TMEM266: variants seen among roughly 807,000 people sequenced by gnomAD.
TMEM266 encodes Hv1 related protein 1.
A neutral mutation model predicts 50.5 loss-of-function variants in TMEM266; 33 were observed. The ratio of observed to expected loss-of-function variants is 0.65; its 90% confidence interval spans 0.50 to 0.87. TMEM266 has a LOEUF of 0.87. TMEM266 is among the 40% of genes least tolerant of loss of function. The pLI, the probability that TMEM266 is intolerant of heterozygous loss-of-function variation, is 0.00. For missense variants in TMEM266, 655 were observed against 695.1 expected, an observed-to-expected ratio of 0.94 and a Z score of 0.65; for synonymous variants, 310 against 292.3, an observed-to-expected ratio of 1.06 and a Z score of -0.62.
chr15:76,181,675 A>G (rs913625912), intron 8 of TMEM266, among the ~76,000 whole-genome samples: 8 of 152,198 alleles, frequency 5.3e-5, no homozygotes, highest in African/African-American at 1.9e-4. Flanking sequence ...GCTGCCCTTC[A>G]GAGAGACGGT....
chr15:76,113,425 G>A (rs2037204017), intron 1 of TMEM266: 1 of 152,360 alleles, frequency 6.6e-6, no homozygotes, highest in African/African-American at 2.4e-5. Flanking sequence ...ACAGATAGGT[G>A]GCTGGAGCAC....
intron 8 of TMEM266, among the ~76,000 whole-genome samples, chr15:76,190,221 C>G (rs2038547534): frequency 6.6e-6 from 1 of 152,180 alleles, no homozygotes. Flanking sequence ...TGATCTGGGA[C>G]AGAGGAAGCA....
rs562507796 is a variant in TMEM266, at chr15:76,085,616, G to C, written c.-97+25600G>C. On this transcript the variant is annotated intron_variant, in intron 1 of 10. Coordinates refer to ENST00000388942, the MANE Select transcript of TMEM266 (RefSeq NM_152335.3). ...CAACAGAAACTCTCACACATGGCTG[G>C]TGGTGTTATAAAATGGTATAGCCAC... 7.2e-5 allele frequency among the ~76,000 whole-genome samples: 11 copies of C among 152,280 alleles called. No homozygotes were observed. The East Asian group carries it at 2.1e-3, about 29-fold the overall frequency.
chr15:76,135,423 C>T (rs972526529), intron 2 of TMEM266, among the ~76,000 whole-genome samples: 9 of 152,180 alleles, frequency 5.9e-5, no homozygotes, highest in Admixed American at 1.3e-4. Context: ...GAGGCAGAAA[C>T]GTTGGAAAGC....
intron 1 of TMEM266, among the ~76,000 whole-genome samples, chr15:76,087,252 A>G (rs1322619667): frequency 1.3e-5 from 2 of 152,168 alleles, no homozygotes; most frequent in African/African-American, 4.8e-5. Context: ...GGAGACTGTA[A>G]TAATGCAGCT....
intron 1 of TMEM266, among the ~76,000 whole-genome samples, chr15:76,105,312 A>G (rs1270882814): frequency 6.6e-6 from 1 of 152,110 alleles, no homozygotes; most frequent in African/African-American, 2.4e-5. Flanking sequence ...CCCACAAACC[A>G]TGGTCCTCCA....
chr15:76,110,024 G>A (rs1384815784), intron 1 of TMEM266, among the ~76,000 whole-genome samples: 6 of 151,354 alleles, frequency 4.0e-5, no homozygotes, highest in Admixed American at 4.0e-4. Context: ...TTTTGAGACA[G>A]AGTCTCACCC....
In TMEM266 at chr15:76,204,195, C is replaced by T; in HGVS notation, c.1476C>T (p.Gly492=). 6.2e-7 allele frequency: 1 copy of T among 1,613,932 alleles called. No individual in the cohort carries two copies. Among genetic ancestry groups the T allele is most frequent in the Non-Finnish European group, 8.5e-7 (1 of 1,180,018 alleles). The change falls in exon 11 of 11, where the codon GGC becomes GGT. Residue 492 remains glycine (G), a synonymous_variant. Transcript: ENST00000388942. ...TGTTCAACCAGAAGAACCAGGAGGGCTTCACTGTCTTTCAGATCAGGCCTG... is the reference window on the plus strand; with the variant it reads ...TGTTCAACCAGAAGAACCAGGAGGGTTTCACTGTCTTTCAGATCAGGCCTG...
chr15:76,140,729 A>G (rs1029292961), intron 3 of TMEM266, among the ~76,000 whole-genome samples: 3 of 152,154 alleles, frequency 2.0e-5, no homozygotes, highest in African/African-American at 7.2e-5. Context: ...AACTTGTGGA[A>G]GGTCACACAG....
chr15:76,074,512 A>G (rs897472806), intron 1 of TMEM266, among the ~76,000 whole-genome samples: 1 of 152,066 alleles, frequency 6.6e-6, no homozygotes, highest in Non-Finnish European at 1.5e-5. Context: ...TTATTTTATA[A>G]TATGTTTTAA....
At chr15:76,130,183 T>TGCACTCCA (rs2037484548) in intron 1 of TMEM266, among the ~76,000 whole-genome samples, 1 of 120,938 alleles carries the variant, frequency 8.3e-6, no homozygotes, top group Non-Finnish European at 1.6e-5. Context: ...GTTGTATCAC[T>TGCACTCCA]GCACTCCAGT....
At chr15:76,079,018 C>T (rs2036644838) in intron 1 of TMEM266, among the ~76,000 whole-genome samples, 1 of 152,202 alleles carries the variant, frequency 6.6e-6, no homozygotes, top group African/African-American at 2.4e-5. Context: ...CTCTGGTTAC[C>T]ACCCAGGTTA....
At chr15:76,136,923 C>T (rs1026577888) in intron 2 of TMEM266, among the ~76,000 whole-genome samples, 20 of 152,160 alleles carry the variant, frequency 1.3e-4, no homozygotes, top group African/African-American at 4.8e-4. Context: ...GCCAAATATC[C>T]CCTGGTAGAT....
intron 5 of TMEM266, among the ~76,000 whole-genome samples, chr15:76,165,400 A>G (rs954105476): frequency 6.6e-6 from 1 of 152,196 alleles, no homozygotes; most frequent in Non-Finnish European, 1.5e-5. Context: ...CATAATACTC[A>G]ATAAATGGCA....
intron 5 of TMEM266, among the ~76,000 whole-genome samples, chr15:76,165,863 T>C (rs887077777): frequency 1.3e-5 from 2 of 152,248 alleles, no homozygotes; most frequent in African/African-American, 4.8e-5. Context: ...TCGTTATTGC[T>C]TGTGGGCCTG....
At chr15:76,113,148 T>A (rs2037198388) in intron 1 of TMEM266, 1 of 152,050 alleles carries the variant, frequency 6.6e-6, no homozygotes, top group African/African-American at 2.4e-5. Flanking sequence ...ACCCCGTCTC[T>A]ACTAAAGATA....
intron 8 of TMEM266, among the ~76,000 whole-genome samples, chr15:76,186,040 C>T (rs1220071973): frequency 5.3e-5 from 8 of 152,166 alleles, no homozygotes; most frequent in Non-Finnish European, 1.2e-4. Context: ...GTTCTCCTGG[C>T]CCCTGCTACC....
At chr15:76,131,489 G>A (rs537426575) in intron 1 of TMEM266, among the ~76,000 whole-genome samples, 1 of 152,296 alleles carries the variant, frequency 6.6e-6, no homozygotes, top group Admixed American at 6.5e-5. Flanking sequence ...TGACTTCATT[G>A]TCAGTTGGGT....
chr15:76,073,959 A>G (rs976352023), intron 1 of TMEM266, among the ~76,000 whole-genome samples: 1 of 151,178 alleles, frequency 6.6e-6, no homozygotes, highest in African/African-American at 2.5e-5. Context: ...TGAGGACTGT[A>G]GTTTGTGACA....
Sources: allele counts gnomAD v4.1 joint callset (sites outside exome capture counted in the v4.1 genomes callset), GRCh38; gene constraint gnomAD v4.1.1; transcripts MANE v1.5; gene names NCBI Gene and HGNC (gene_info 2026-07-23, HGNC 2026-07-21).